The following ITPK1 variants were observed in gnomAD, a reference collection of about 807,000 sequenced individuals.
ITPK1 encodes the protein inositol 1,3,4-trisphosphate 5/6-kinase.
ITPK1 carries 21 observed loss-of-function variants against 45.3 expected under a neutral mutation model. The observed-to-expected ratio is 0.46, with a 90% CI of 0.33 to 0.67. The LOEUF (loss-of-function observed/expected upper bound fraction) is 0.67, where lower values mean the gene tolerates loss of function less well. Among genes scored for constraint, ITPK1 ranks in the 30% least tolerant of loss-of-function variants. The pLI, the probability that ITPK1 is intolerant of heterozygous loss-of-function variation, is 0.02. For synonymous variants in ITPK1, 258 were observed against 253.6 expected, an observed-to-expected ratio of 1.02 and a Z score of -0.16; for missense variants, 474 against 573.5, an observed-to-expected ratio of 0.83 and a Z score of 1.77.
At chr14:92,976,218 G>T (rs968026640) in intron 5 of ITPK1, among the ~76,000 whole-genome samples, 3 of 152,208 alleles carry the variant, frequency 2.0e-5, no homozygotes, top group Non-Finnish European at 4.4e-5. Context: ...TTAGCAGATA[G>T]CAGATTGTGG....
rs1025167046 is a variant in ITPK1 at position 92,946,617 on chromosome 14, G to A, written c.739-124C>T. ...ATGCTTCAGGCCAGGAAGCCAGACAGACCTACTGTGGTGAGCACGGGGCGG... is the reference window on the plus strand; with the variant it reads ...ATGCTTCAGGCCAGGAAGCCAGACAAACCTACTGTGGTGAGCACGGGGCGG... On this transcript the variant is annotated intron_variant, in intron 9 of 10. Coordinates refer to ENST00000267615, the MANE Select transcript of ITPK1 (RefSeq NM_014216.6). 2.0e-5 allele frequency: 19 copies of A among 972,530 alleles called. No homozygotes were observed. The Admixed American group carries it at 3.0e-4, about 15-fold the overall frequency. 60.2% of individuals were successfully genotyped at this position (972,530 alleles called of 1,614,324 possible).
intron 3 of ITPK1, chr14:93,066,329 T>G (rs1339805769): frequency 8.9e-6 from 4 of 447,564 alleles, no homozygotes; most frequent in Non-Finnish European, 1.8e-5. Context: ...TATGTGTGTG[T>G]GTGTGTGTGT....
intron 3 of ITPK1, among the ~76,000 whole-genome samples, chr14:93,049,282 G>C (rs1016455176): frequency 6.6e-6 from 1 of 152,204 alleles, no homozygotes; most frequent in Non-Finnish European, 1.5e-5. Context: ...TGCATGCAGG[G>C]CTCTGTGCTA....
In ITPK1 at chr14:92,941,215, C is replaced by G. The variant is rs1050520143; in HGVS notation, c.*346G>C. The G allele has an allele frequency of 3.1e-6, 4 of 1,289,742 alleles. No individual in the cohort carries two copies. The highest frequency in any genetic ancestry group is 3.0e-5 in the African/African-American group (2 of 65,976). The allele number at this position is 1,289,742 out of a possible 1,614,324, so 79.9% of individuals were successfully genotyped here. Reference sequence around the variant, plus strand: ...GGTCCACAGTGGCCATGGAGACCAACAGACAGGGATGTGCACAGACACTGG... The same window carrying G: ...GGTCCACAGTGGCCATGGAGACCAAGAGACAGGGATGTGCACAGACACTGG... On this transcript the variant is annotated 3_prime_UTR_variant, in exon 11 of 11. Coordinates refer to ENST00000267615, the MANE Select transcript of ITPK1 (RefSeq NM_014216.6).
chr14:92,941,164 A>G lies in ITPK1; in HGVS notation c.*397T>C, dbSNP rs1595068572. 1.6e-6 allele frequency: 2 copies of G among 1,217,444 alleles called. No homozygotes were observed. Among genetic ancestry groups the G allele is most frequent in the Non-Finnish European group, 2.1e-6 (2 of 964,588 alleles). The allele number at this position is 1,217,444 out of a possible 1,614,324, so 75.4% of individuals were successfully genotyped here. ...ACCGATCAGCCTCCCACAGCCCGAC[A>G]TGGGCAGGCTTCCCCCAAGGGTCCC... On this transcript the variant is annotated 3_prime_UTR_variant, in exon 11 of 11. Coordinates refer to ENST00000267615, the MANE Select transcript of ITPK1 (RefSeq NM_014216.6).
At chr14:92,956,873 C>T (rs1595085128) in intron 8 of ITPK1, among the ~76,000 whole-genome samples, 1 of 152,330 alleles carries the variant, frequency 6.6e-6, no homozygotes, top group East Asian at 1.9e-4. Context: ...AAATATGCTT[C>T]CAGCATTTGG....
chr14:93,063,057 C>T lies in ITPK1; in HGVS notation c.120+13538G>A, dbSNP rs1024372473. On this transcript the variant is annotated intron_variant, in intron 3 of 10. Transcript: ENST00000267615. This position sits in a 1 kb window ranked among gnomAD's most constrained non-coding sequence, Gnocchi z 4.3. The stretch of plus-strand genomic sequence containing the variant: ...AACAAGTTCAGTAAATGTGCGCCCC[C>T]ACCCCACCCCCATCTCCCATCTCTC... Among the ~76,000 whole-genome samples, 1 of 152,184 alleles carries T rather than the reference C, an allele frequency of 6.6e-6. No individual in the cohort carries two copies. Among genetic ancestry groups the T allele is most frequent in the African/African-American group, 2.4e-5 (1 of 41,450 alleles).
At chr14:92,990,961 C>G (rs2139803664) in intron 5 of ITPK1, among the ~76,000 whole-genome samples, 1 of 152,320 alleles carries the variant, frequency 6.6e-6, no homozygotes, top group Admixed American at 6.5e-5. Flanking sequence ...TCTGTTTTCC[C>G]TGCAGCTGTC....
At chr14:93,000,541 A>C (rs1433672056) in intron 4 of ITPK1, among the ~76,000 whole-genome samples, 4 of 152,220 alleles carry the variant, frequency 2.6e-5, no homozygotes, top group African/African-American at 9.6e-5. Context: ...GGGCTTTGCC[A>C]GGATTCAAAA....
At chr14:93,088,336 G>GTTTTTTTTTTTTTTTTTTTTTT (rs764902793) in intron 2 of ITPK1, among the ~76,000 whole-genome samples, 1 of 126,632 alleles carries the variant, frequency 7.9e-6, no homozygotes, top group Non-Finnish European at 1.5e-5. Context: ...TTTTGGTTTT[G>GTTTTTTTTTTTTTTTTTTTTTT]TTTTGTTTTT....
chr14:92,971,315 T>G (rs1328021870), intron 5 of ITPK1, among the ~76,000 whole-genome samples: 1 of 152,186 alleles, frequency 6.6e-6, no homozygotes, highest in African/African-American at 2.4e-5. Flanking sequence ...CTCAGTTACC[T>G]CACTATGCCT....
At chr14:93,090,235 C>A (rs928701601) in intron 2 of ITPK1, among the ~76,000 whole-genome samples, 1 of 152,126 alleles carries the variant, frequency 6.6e-6, no homozygotes, top group Non-Finnish European at 1.5e-5. Flanking sequence ...CCCCACAGGT[C>A]GGTTCTTTCA....
chr14:92,972,277 G>A (rs1158814440), intron 5 of ITPK1, among the ~76,000 whole-genome samples: 3 of 152,190 alleles, frequency 2.0e-5, no homozygotes, highest in African/African-American at 4.8e-5. Context: ...CTGAGAACGG[G>A]ACTGCACTGG....
Position 93,115,081 on chromosome 14 carries a change from G to C in ITPK1, c.83C>G (p.Ala28Gly). The stretch of plus-strand genomic sequence containing the variant: ...CGTCCCTCCTTACCTGCACAGCTCG[G>C]CGAAGGCCTGGAAATTCAGCTTCTT... ...KIKKLNFQAFAELCRKRGMEV... is the reference protein window; with the variant it reads ...KIKKLNFQAFGELCRKRGMEV... Residue 28 changes from alanine (A) to glycine (G), a missense_variant, in exon 2 of 11, where the codon GCC becomes GGC. Coordinates refer to ENST00000267615, the MANE Select transcript of ITPK1 (RefSeq NM_014216.6). 1 of 1,599,336 alleles carries C rather than the reference G, an allele frequency of 6.3e-7. No homozygotes were observed. The highest frequency in any genetic ancestry group is 8.5e-7 in the Non-Finnish European group (1 of 1,174,444).
chr14:93,114,098 A>C (rs898760429), intron 2 of ITPK1, among the ~76,000 whole-genome samples: 1 of 152,266 alleles, frequency 6.6e-6, no homozygotes, highest in Non-Finnish European at 1.5e-5. Context: ...TCAGTCTAAC[A>C]AGCTGCATCA....
At chr14:92,978,524 C>G (rs115340844) in intron 5 of ITPK1, among the ~76,000 whole-genome samples, 3,034 of 152,018 alleles carry the variant, frequency 0.02, 167 homozygotes, top group African/African-American at 0.071. Context: ...GCAGTCCCTC[C>G]CATCACAGGC....
intron 2 of ITPK1, among the ~76,000 whole-genome samples, chr14:93,091,548 C>T (rs1320057342): frequency 5.9e-5 from 9 of 152,254 alleles, no homozygotes; most frequent in Non-Finnish European, 1.2e-4. Flanking sequence ...AGGATGGCTT[C>T]ACTTGCTGTG....
chr14:92,942,174 G>C (rs952593843), intron 10 of ITPK1, among the ~76,000 whole-genome samples: 4 of 152,206 alleles, frequency 2.6e-5, no homozygotes, highest in Non-Finnish European at 4.4e-5. Context: ...GATGAAACTT[G>C]CTTGTCCCTG....
At chr14:93,101,846 T>C (rs1287687277) in intron 2 of ITPK1, among the ~76,000 whole-genome samples, 1 of 152,188 alleles carries the variant, frequency 6.6e-6, no homozygotes, top group Admixed American at 6.5e-5. Flanking sequence ...ACCCCCAGGG[T>C]GATCGGCTAT....
Sources: gnomAD v4.1 joint callset for allele counts (sites outside exome capture counted in the v4.1 genomes callset) on GRCh38, gnomAD v4.1.1 for gene constraint, Gnocchi (gnomAD v3.1) non-coding constraint, MANE v1.5 for transcripts, NCBI Gene and HGNC (gene_info 2026-07-23, HGNC 2026-07-21) for gene names.